Variants in CLIP2 observed in about 807,000 individuals in gnomAD.
The protein encoded by CLIP2 is CAP-Gly domain-containing linker protein 2.
A neutral mutation model predicts 111.7 loss-of-function variants in CLIP2; 41 were observed. The ratio of observed to expected loss-of-function variants is 0.37; its 90% CI spans 0.29 to 0.48. The LOEUF is 0.48. CLIP2 is among the 20% of genes least tolerant of loss of function. The probability of loss-of-function intolerance (pLI) is 0.99; values close to 1 mark genes in which losing one functional copy is unlikely to be tolerated. For synonymous variants in CLIP2, 660 were observed against 644.2 expected, an observed-to-expected ratio of 1.02 and a Z score of -0.37; for missense variants, 1,160 against 1,422.1, an observed-to-expected ratio of 0.82 and a Z score of 2.96.
In CLIP2 at chr7:74,331,188, A is replaced by G. The variant is rs571274066; in HGVS notation, c.122-7260A>G. 3.4e-4 allele frequency among the ~76,000 whole-genome samples: 42 copies of G among 124,472 alleles called. 1 individual carries two copies. In the South Asian group the frequency reaches 0.012, roughly 36 times the overall value. 81.7% of individuals were successfully genotyped at this position (124,472 alleles called of 152,430 possible). A position where few individuals can be genotyped will look rare whatever the true frequency, so the allele number is the denominator to read the frequency against. On this transcript the variant is annotated intron_variant, in intron 2 of 16. Coordinates refer to ENST00000223398, the MANE Select transcript of CLIP2 (RefSeq NM_003388.5). ...GCCACTGCACTCCAGCCTGAGCGAC[A>G]GAGTGAGACTCCATCTCAAAAAAAA...
Position 74,349,468 on chromosome 7 carries a change from GTGTATATATATATATATA to G in CLIP2, c.679-4410_679-4393del, listed in dbSNP as rs1336143983. Reference sequence around the variant, plus strand: ...AAAAAGTATGTATGTGTGTGTGTGTGTGTATATATATATATATATATATATATATATATATATATATAT... The same window carrying G: ...AAAAAGTATGTATGTGTGTGTGTGTGTATATATATATATATATATATATAT... On this transcript the variant is annotated intron_variant, in intron 3 of 16. Coordinates refer to ENST00000223398, the MANE Select transcript of CLIP2 (RefSeq NM_003388.5). Among the ~76,000 whole-genome samples, 95 of 61,780 alleles carry G rather than the reference GTGTATATATATATATATA, an allele frequency of 1.5e-3. 1 individual carries two copies. The highest frequency in any genetic ancestry group is 3.6e-3 in the South Asian group (5 of 1,376). 40.5% of individuals were successfully genotyped at this position (61,780 alleles called of 152,430 possible).
At chr7:74,306,373 C>T (rs1246499764) in intron 1 of CLIP2, among the ~76,000 whole-genome samples, 2 of 152,256 alleles carry the variant, frequency 1.3e-5, no homozygotes, top group East Asian at 3.9e-4. Context: ...TGGATGTGAC[C>T]CACCCCAGCC....
At chr7:74,361,976 C>T (rs925421545) in intron 7 of CLIP2, among the ~76,000 whole-genome samples, 1 of 152,124 alleles carries the variant, frequency 6.6e-6, no homozygotes, top group African/African-American at 2.4e-5. Context: ...TGGCAGGTGC[C>T]TGTAATCCCA....
intron 1 of CLIP2, among the ~76,000 whole-genome samples, chr7:74,314,011 C>T (rs1312713991): frequency 3.9e-5 from 6 of 151,918 alleles, no homozygotes; most frequent in Non-Finnish European, 8.8e-5. Flanking sequence ...GGCAGAAACC[C>T]CCTCTCTACT....
intron 2 of CLIP2, among the ~76,000 whole-genome samples, chr7:74,332,435 A>G (rs1344084613): frequency 1.4e-5 from 2 of 144,866 alleles, no homozygotes; most frequent in African/African-American, 2.6e-5. Context: ...TGGTGGGATC[A>G]TGCCTCACTG....
intron 2 of CLIP2, among the ~76,000 whole-genome samples, chr7:74,324,521 C>T (rs1035814332): frequency 1.3e-5 from 2 of 152,044 alleles, no homozygotes; most frequent in Non-Finnish European, 2.9e-5. Flanking sequence ...CCTTGGGCCT[C>T]CACCCTCAAA....
intron 1 of CLIP2, among the ~76,000 whole-genome samples, chr7:74,292,930 G>A (rs1554725594): frequency 6.6e-6 from 1 of 152,136 alleles, no homozygotes; most frequent in Non-Finnish European, 1.5e-5. Context: ...TATCCCTTTT[G>A]CTCAGGTGCA....
chr7:74,338,654 G>T lies in CLIP2; in HGVS notation c.328G>T (p.Gly110Cys). 1 of 1,572,132 alleles carries T rather than the reference G, an allele frequency of 6.4e-7. No homozygotes were observed. Among genetic ancestry groups the T allele is most frequent in the Non-Finnish European group, 8.6e-7 (1 of 1,161,600 alleles). ...GCAGTTCGCACCGGGCCAGTGGGCTGGCGTGGTGCTGGACGACCCGGTGGG... is the reference window on the plus strand; with the variant it reads ...GCAGTTCGCACCGGGCCAGTGGGCTTGCGTGGTGCTGGACGACCCGGTGGG... Reference protein sequence around the residue: ...ETQFAPGQWAGVVLDDPVGKN... With the variant: ...ETQFAPGQWACVVLDDPVGKN... The change falls in exon 3 of 17, where the codon GGC (glycine) becomes TGC (cysteine). Residue 110 changes from glycine (G) to cysteine (C), a missense_variant. Physicochemically the swap from Gly to Cys is radical, Grantham distance 159 (BLOSUM62 -3). This residue lies in a region of CLIP2 where 301 missense variants were observed against 315.2 expected (regional missense o/e 0.96). Transcript: ENST00000223398. The surrounding 1 kb of genome is among the most constrained non-coding windows in gnomAD (Gnocchi z 4.3).
chr7:74,356,615 A>C lies in CLIP2; in HGVS notation c.1009A>C (p.Ser337Arg), dbSNP rs1790154558. Reference protein sequence around the residue: ...ASSVGGRPSRSGLLTETSSRY... With the variant: ...ASSVGGRPSRRGLLTETSSRY... ...CTCCGTGGGGGGTCGGCCCAGCCGC[A>C]GTGGCCTGGTGAGGGTGGGGCTGCA... The change falls in exon 5 of 17, where the codon AGT (serine) becomes CGT (arginine). Residue 337 changes from serine (S) to arginine (R), a missense_variant. By Grantham distance (110) the Ser-to-Arg change is moderately radical. Coordinates refer to ENST00000223398, the MANE Select transcript of CLIP2 (RefSeq NM_003388.5). 1 of 1,613,026 alleles carries C rather than the reference A, an allele frequency of 6.2e-7. No individual in the cohort carries two copies. The highest frequency in any genetic ancestry group is 1.1e-5 in the South Asian group (1 of 90,972).
At chr7:74,304,092 T>TTA (rs34100171) in intron 1 of CLIP2, among the ~76,000 whole-genome samples, 36 of 151,640 alleles carry the variant, frequency 2.4e-4, no homozygotes, top group East Asian at 2.0e-4. Context: ...TTTTTTTTTT[T>TTA]AATAGGAGGT....
intron 1 of CLIP2, among the ~76,000 whole-genome samples, chr7:74,312,211 C>T (rs1788658110): frequency 6.6e-6 from 1 of 152,000 alleles, no homozygotes; most frequent in South Asian, 2.1e-4. Flanking sequence ...ATTGCACCAC[C>T]TGGGTGACAG....
intron 3 of CLIP2, among the ~76,000 whole-genome samples, chr7:74,349,804 A>T (rs1386214667): frequency 6.6e-6 from 1 of 150,800 alleles, no homozygotes. Flanking sequence ...TAGTAAAAAT[A>T]GGGTTGCACC....
At chr7:74,375,858 C>T in intron 9 of CLIP2, 29 bp from the exon 10 acceptor site, 2 of 1,474,332 alleles carry the variant, frequency 1.4e-6, no homozygotes, top group African/African-American at 2.8e-5. Context: ...AGCCAGCCCG[C>T]TGATCCCTGT....
intron 3 of CLIP2, among the ~76,000 whole-genome samples, chr7:74,347,696 T>C (rs2116583150): frequency 6.6e-6 from 1 of 152,236 alleles, no homozygotes; most frequent in South Asian, 2.1e-4. Context: ...CTCTGAGAAA[T>C]AAGAGAAGGT....
At chr7:74,291,356 G>A (rs115887594) in intron 1 of CLIP2, among the ~76,000 whole-genome samples, 55 of 152,300 alleles carry the variant, frequency 3.6e-4, no homozygotes, top group African/African-American at 1.3e-3. Context: ...GTCCCAGCAG[G>A]GGGAATTTAC....
rs534070929 is a variant in CLIP2 at position 74,403,986 on chromosome 7, C to T, written c.*138C>T. The T allele has an allele frequency of 4.1e-4, 387 of 934,612 alleles. 2 individuals are homozygous for T. Among genetic ancestry groups the T allele is most frequent in the Non-Finnish European group, 4.7e-4 (271 of 580,664 alleles). 57.9% of individuals were successfully genotyped at this position (934,612 alleles called of 1,614,324 possible). The stretch of plus-strand genomic sequence containing the variant: ...TTTGTAACAATAACGTACTCACCGC[C>T]GCGGACAATCCCCCACCCCGATCCC... On this transcript the variant is annotated 3_prime_UTR_variant, in exon 17 of 17. Coordinates refer to ENST00000223398, the MANE Select transcript of CLIP2 (RefSeq NM_003388.5).
rs782255297 is a variant in CLIP2 at position 74,289,476 on chromosome 7, G to C, written c.-326G>C. Reference sequence around the variant, plus strand: ...CGCTGGCTCCGCGGGCGCTCAGCTCGGCTCGGCCGCGGGGCGCGCAGGCGG... The same window carrying C: ...CGCTGGCTCCGCGGGCGCTCAGCTCCGCTCGGCCGCGGGGCGCGCAGGCGG... On this transcript the variant is annotated 5_prime_UTR_variant, in exon 1 of 17. Coordinates refer to ENST00000223398, the MANE Select transcript of CLIP2 (RefSeq NM_003388.5). The C allele has an allele frequency of 3.3e-5, 5 of 150,880 alleles. No individual in the cohort carries two copies. Among genetic ancestry groups the C allele is most frequent in the Non-Finnish European group, 7.4e-5 (5 of 67,572 alleles). The allele number at this position is 150,880 out of a possible 1,614,324, so 9.3% of individuals were successfully genotyped here.
chr7:74,373,096 T>A, intron 9 of CLIP2, 60 bp downstream of exon 9: 2 of 973,870 alleles, frequency 2.1e-6, no homozygotes, highest in South Asian at 2.9e-5. Context: ...ATGCCCCCTC[T>A]GGCTTCTCTG....
chr7:74,347,706 T>TGATACAGGCATTAAAA (rs1443749990), intron 3 of CLIP2, among the ~76,000 whole-genome samples: 1 of 152,150 alleles, frequency 6.6e-6, no homozygotes, highest in Non-Finnish European at 1.5e-5. Context: ...TAAGAGAAGG[T>TGATACAGGCATTAAAA]GATACAGGCA....
Sources: gnomAD v4.1 joint callset for allele counts (sites outside exome capture counted in the v4.1 genomes callset) on GRCh38, gnomAD v4.1.1 for gene constraint, gnomAD v4.1.1 regional missense constraint, Gnocchi (gnomAD v3.1) non-coding constraint, MANE v1.5 for transcripts, NCBI Gene and HGNC (gene_info 2026-07-23, HGNC 2026-07-21) for gene names.